Variants in DENND1B observed in about 807,000 individuals in gnomAD.
DENND1B encodes DENN domain-containing protein 1B.
A neutral mutation model predicts 90.1 loss-of-function variants in DENND1B; 59 were observed. That is an observed-to-expected ratio of 0.65 (90% CI 0.53 to 0.81). DENND1B has a LOEUF of 0.81. DENND1B is among the 40% of genes least tolerant of loss of function. DENND1B has a pLI of 0.00. For missense variants in DENND1B, 862 were observed against 912.6 expected (o/e 0.94, Z 0.71); for synonymous variants, 337 against 324.6 (o/e 1.04, Z -0.41).
At chr1:197,614,297 C>G (rs370424248) in intron 11 of DENND1B, among the ~76,000 whole-genome samples, 1 of 151,000 alleles carries the variant, frequency 6.6e-6, no homozygotes, top group African/African-American at 2.4e-5. Flanking sequence ...GATGTTAGAA[C>G]TGTAAACATT....
chr1:197,511,551 G>A (rs1442975326), intron 22 of DENND1B, among the ~76,000 whole-genome samples, 177 bp downstream of exon 22: 7 of 151,512 alleles, frequency 4.6e-5, no homozygotes. Context: ...GAAAATACTA[G>A]AATTTTAATA....
intron 2 of DENND1B, among the ~76,000 whole-genome samples, chr1:197,721,246 AT>A (rs1278191405): frequency 6.6e-6 from 1 of 151,078 alleles, no homozygotes; most frequent in Non-Finnish European, 1.5e-5. Flanking sequence ...ATTTTTTTTT[AT>A]TTTTAGTAGA....
chr1:197,631,182 T>C (rs1014267989), intron 10 of DENND1B, among the ~76,000 whole-genome samples: 4 of 152,172 alleles, frequency 2.6e-5, no homozygotes, highest in African/African-American at 9.6e-5. Context: ...TCTTCACAAA[T>C]ATCTAAACTC....
intron 20 of DENND1B, among the ~76,000 whole-genome samples, chr1:197,529,288 A>G (rs1669438165): frequency 6.8e-6 from 1 of 146,400 alleles, no homozygotes; most frequent in African/African-American, 2.5e-5. Context: ...ATATGTATAT[A>G]TATGTATATA....
At chr1:197,759,051 C>T (rs1328768614) in intron 2 of DENND1B, among the ~76,000 whole-genome samples, 1 of 140,276 alleles carries the variant, frequency 7.1e-6, no homozygotes, top group Non-Finnish European at 1.5e-5. Flanking sequence ...CTCAATGCAA[C>T]ATCCACCTTC....
chr1:197,528,278 T>TG (rs1269420756), intron 20 of DENND1B, among the ~76,000 whole-genome samples: 5 of 152,216 alleles, frequency 3.3e-5, no homozygotes, highest in Non-Finnish European at 7.3e-5. Context: ...AGATTTCTCT[T>TG]AAGTCCCTGT....
At chr1:197,539,355 C>T (rs988216308) in intron 20 of DENND1B, among the ~76,000 whole-genome samples, 6 of 151,988 alleles carry the variant, frequency 3.9e-5, no homozygotes, top group East Asian at 1.9e-4. Context: ...TTTTCTAAGG[C>T]CACTTAAGAT....
chr1:197,510,228 A>G lies in DENND1B; in HGVS notation c.*232T>C. 1.9e-6 allele frequency: 1 copy of G among 522,474 alleles called. No individual in the cohort carries two copies. 32.4% of individuals were successfully genotyped at this position (522,474 alleles called of 1,614,324 possible). ...CACTGGGAAATCTCATGGTCAATAC[A>G]TACTTTAAACATACATACACACTAG... On this transcript the variant is annotated 3_prime_UTR_variant, in exon 23 of 23. Coordinates refer to ENST00000620048, the MANE Select transcript of DENND1B (RefSeq NM_001195215.2).
intron 9 of DENND1B, among the ~76,000 whole-genome samples, chr1:197,644,068 AACCTGTAACT>A (rs1680516936): frequency 6.6e-6 from 1 of 152,204 alleles, no homozygotes; most frequent in Non-Finnish European, 1.5e-5. Flanking sequence ...ACATCAATAG[AACCTGTAACT>A]ATCAGTGGGT....
chr1:197,779,558 T>C (rs1657378169), upstream of DENND1B, among the ~76,000 whole-genome samples: 1 of 152,118 alleles, frequency 6.6e-6, no homozygotes. Context: ...ATCTCTTTTA[T>C]AGTATGTCTC....
chr1:197,751,995 AAGT>A (rs1385504765), intron 2 of DENND1B, among the ~76,000 whole-genome samples: 29 of 135,656 alleles, frequency 2.1e-4, no homozygotes, highest in East Asian at 6.9e-4. Flanking sequence ...GAAGAAGAAG[AAGT>A]AGAAGGAGGA....
In DENND1B at chr1:197,764,359, C is replaced by A. The variant is rs145987463; in HGVS notation, c.82+8509G>T. The stretch of plus-strand genomic sequence containing the variant: ...AATACCAAATAAATAGTTTCTATTA[C>A]TATTTATGTAGAACATCTAACTGGA... On this transcript the variant is annotated intron_variant, in intron 2 of 22. Coordinates refer to ENST00000620048, the MANE Select transcript of DENND1B (RefSeq NM_001195215.2). Among the ~76,000 whole-genome samples, 43 of 152,228 alleles carry A rather than the reference C, an allele frequency of 2.8e-4. 1 individual carries two copies. The highest frequency in any genetic ancestry group is 9.9e-4 in the African/African-American group (41 of 41,534).
intron 20 of DENND1B, among the ~76,000 whole-genome samples, chr1:197,535,510 C>G (rs1194603955): frequency 1.3e-5 from 2 of 152,180 alleles, no homozygotes; most frequent in Non-Finnish European, 2.9e-5. Flanking sequence ...TATAGTAATA[C>G]TCAGAACAGC....
Position 197,510,621 on chromosome 1 carries a change from A to G in DENND1B, c.2167T>C (p.Ser723Pro). ...DLLIPGLGRHSSTFVPWEKEG... is the reference protein window; with the variant it reads ...DLLIPGLGRHPSTFVPWEKEG... ...TTCTCCCAAGGAACAAAAGTCGATG[A>G]ATGCCGCCCAAGACCGGGTATAAGC... Residue 723 changes from serine to proline, a missense_variant, in exon 23 of 23, where the codon TCA becomes CCA. Coordinates refer to ENST00000620048, the MANE Select transcript of DENND1B (RefSeq NM_001195215.2). 1 of 1,612,850 alleles carries G rather than the reference A, an allele frequency of 6.2e-7. No individual in the cohort carries two copies. The highest frequency in any genetic ancestry group is 1.1e-5 in the South Asian group (1 of 91,062).
chr1:197,573,038 T>G (rs1201956734), intron 15 of DENND1B, among the ~76,000 whole-genome samples: 1 of 152,172 alleles, frequency 6.6e-6, no homozygotes, highest in Non-Finnish European at 1.5e-5. Flanking sequence ...CTTTTTTTCT[T>G]TATTAGTCTT....
chr1:197,627,246 T>C (rs1678844113), intron 10 of DENND1B, among the ~76,000 whole-genome samples: 1 of 152,070 alleles, frequency 6.6e-6, no homozygotes, highest in Non-Finnish European at 1.5e-5. Flanking sequence ...TTTAGACCAA[T>C]ATCCTTGATG....
intron 3 of DENND1B, among the ~76,000 whole-genome samples, chr1:197,713,829 A>ATTATATTAT (rs1332291899): frequency 3.6e-5 from 1 of 27,572 alleles, no homozygotes; most frequent in Admixed American, 6.5e-4. Context: ...AATATATTAT[A>ATTATATTAT]TATAATATAT....
intron 2 of DENND1B, among the ~76,000 whole-genome samples, chr1:197,742,061 CA>C (rs1380035598): frequency 6.6e-6 from 1 of 152,050 alleles, no homozygotes; most frequent in Non-Finnish European, 1.5e-5. Context: ...ATTTACATTA[CA>C]AGGAGAAATG....
chr1:197,559,225 A>G (rs1018132020), intron 15 of DENND1B, among the ~76,000 whole-genome samples: 1 of 151,902 alleles, frequency 6.6e-6, no homozygotes, highest in African/African-American at 2.4e-5. Flanking sequence ...AATTGCAATC[A>G]CTCCATCAAA....
Sources: allele counts gnomAD v4.1 joint callset (sites outside exome capture counted in the v4.1 genomes callset), GRCh38; gene constraint gnomAD v4.1.1; transcripts MANE v1.5; gene names NCBI Gene and HGNC (gene_info 2026-07-23, HGNC 2026-07-21).